The following RTTN variants were observed in gnomAD, a reference collection of about 807,000 sequenced individuals.
RTTN encodes the protein rotatin.
RTTN carries 182 observed loss-of-function variants against 269.2 expected under a neutral mutation model. The ratio of observed to expected loss-of-function variants is 0.68; its 90% CI spans 0.60 to 0.76. RTTN has a LOEUF of 0.76. Among genes scored for constraint, RTTN ranks in the 30% least tolerant of loss-of-function variants. The probability of loss-of-function intolerance (pLI) is 0.00; values close to 1 mark genes in which losing one functional copy is unlikely to be tolerated. For synonymous variants in RTTN, 1,006 were observed against 963.5 expected, an observed-to-expected ratio of 1.04 and a Z score of -0.82; for missense variants, 2,545 against 2,608.6, an observed-to-expected ratio of 0.98 and a Z score of 0.53.
intron 44 of RTTN, among the ~76,000 whole-genome samples, chr18:70,023,459 A>G (rs549326841): frequency 2.0e-5 from 3 of 152,286 alleles, no homozygotes; most frequent in East Asian, 3.9e-4. Context: ...ACTTAACAAG[A>G]CCAAACAGAA....
chr18:70,032,028 T>C (rs2057028331), intron 40 of RTTN, among the ~76,000 whole-genome samples: 1 of 152,148 alleles, frequency 6.6e-6, no homozygotes. Flanking sequence ...GGAAAGCTGC[T>C]TAGGGAAGCA....
chr18:70,037,138 C>G (rs574123844), intron 40 of RTTN, among the ~76,000 whole-genome samples: 7 of 152,328 alleles, frequency 4.6e-5, no homozygotes, highest in Admixed American at 3.9e-4. Flanking sequence ...TCTTGGCAAG[C>G]CTTGCCACCG....
At chr18:70,082,842 C>A (rs142590485) in intron 32 of RTTN, among the ~76,000 whole-genome samples, 71 of 152,152 alleles carry the variant, frequency 4.7e-4, no homozygotes, top group Non-Finnish European at 8.2e-4. Flanking sequence ...CAGGTGCATG[C>A]CACCATTCCA....
At chr18:70,041,525 G>A (rs2057340273) in intron 40 of RTTN, among the ~76,000 whole-genome samples, 1 of 152,080 alleles carries the variant, frequency 6.6e-6, no homozygotes, top group African/African-American at 2.4e-5. Context: ...AGTGCCCAAG[G>A]CTGAAGAAAT....
Position 70,205,111 on chromosome 18 carries a change from T to A in RTTN, c.219+17A>T. ...GTCACTCGTCTGATTATTTTCTTTA[T>A]TTCAAAATGACCCTACCTTAACCAA... On this transcript the variant is annotated intron_variant, in intron 2 of 48. Coordinates refer to ENST00000640769, the MANE Select transcript of RTTN (RefSeq NM_173630.4). The A allele has an allele frequency of 6.2e-7, 1 of 1,604,952 alleles. No individual in the cohort carries two copies. Among genetic ancestry groups the A allele is most frequent in the South Asian group, 1.1e-5 (1 of 89,882 alleles).
intron 23 of RTTN, among the ~76,000 whole-genome samples, chr18:70,133,045 A>G (rs2060035590): frequency 6.6e-6 from 1 of 152,162 alleles, no homozygotes; most frequent in South Asian, 2.1e-4. Context: ...CTATAAATGC[A>G]TGATGGGATG....
At chr18:70,036,818 G>A (rs914143599) in intron 40 of RTTN, among the ~76,000 whole-genome samples, 19 of 152,164 alleles carry the variant, frequency 1.2e-4, no homozygotes, top group African/African-American at 4.3e-4. Context: ...GCACCGTCAC[G>A]AGAACCAAAA....
At position 70,054,576 on chromosome 18, in the gene RTTN, T is replaced by C. The variant is rs79369237; in HGVS notation, c.5032-292A>G. Among the ~76,000 whole-genome samples the C allele has an allele frequency of 9.5e-4, 145 of 152,298 alleles. No individual in the cohort carries two copies. The East Asian group carries it at 0.023, about 24-fold the overall frequency. ...CCAGGTGTGGTAGCTAACACACCTG[T>C]AATGCCAGTCCTTTGAGAGGCCAAG... On this transcript the variant is annotated intron_variant, in intron 37 of 48. Coordinates refer to ENST00000640769, the MANE Select transcript of RTTN (RefSeq NM_173630.4).
At chr18:70,143,105 G>A (rs1189663813) in intron 18 of RTTN, among the ~76,000 whole-genome samples, 1 of 152,182 alleles carries the variant, frequency 6.6e-6, no homozygotes, top group East Asian at 1.9e-4. Context: ...TTTCTCCAAT[G>A]ATCAGTGATA....
At chr18:70,180,757 A>G (rs2061405786) in intron 10 of RTTN, among the ~76,000 whole-genome samples, 1 of 152,158 alleles carries the variant, frequency 6.6e-6, no homozygotes, top group Non-Finnish European at 1.5e-5. Context: ...ATGATAATTA[A>G]ATGACCTCAT....
intron 32 of RTTN, among the ~76,000 whole-genome samples, chr18:70,083,628 A>G (rs1469292884): frequency 6.6e-6 from 1 of 152,202 alleles, no homozygotes; most frequent in Non-Finnish European, 1.5e-5. Flanking sequence ...AAAAAAATAA[A>G]TTGTTTTAAA....
rs369247502 is a variant in RTTN, at chr18:70,150,600, T to G, written c.2055+8A>C. On this transcript the variant is annotated splice_region_variant and intron_variant, in intron 15 of 48. Coordinates refer to ENST00000640769, the MANE Select transcript of RTTN (RefSeq NM_173630.4). Reference sequence around the variant, plus strand: ...CTGTAATATTTTCACTCATGTTTAATGTCATACCTCACTTTCGGGCTCTTG... The same window carrying G: ...CTGTAATATTTTCACTCATGTTTAAGGTCATACCTCACTTTCGGGCTCTTG... 6.2e-7 allele frequency: 1 copy of G among 1,611,208 alleles called. No homozygotes were observed. The highest frequency in any genetic ancestry group is 8.5e-7 in the Non-Finnish European group (1 of 1,177,890).
intron 33 of RTTN, among the ~76,000 whole-genome samples, chr18:70,074,522 G>C (rs1481769908): frequency 6.6e-6 from 1 of 151,908 alleles, no homozygotes. Flanking sequence ...CTCTTAAATG[G>C]CTCAAAAAGA....
chr18:70,101,609 C>A (rs1215105459), intron 28 of RTTN, among the ~76,000 whole-genome samples: 5 of 151,960 alleles, frequency 3.3e-5, no homozygotes, highest in Non-Finnish European at 7.4e-5. Flanking sequence ...TATTTCTTGC[C>A]TTCTGCTAGC....
rs565731957 is a variant in RTTN at position 70,203,361 on chromosome 18, T to G, written c.397+725A>C. The stretch of plus-strand genomic sequence containing the variant: ...GGGATTACAGGCGCCCGCCACTATG[T>G]CCGGCTAATTTTTGTATTGTATTTT... On this transcript the variant is annotated intron_variant, in intron 3 of 48. Coordinates refer to ENST00000640769, the MANE Select transcript of RTTN (RefSeq NM_173630.4). Among the ~76,000 whole-genome samples, 34 of 152,202 alleles carry G rather than the reference T, an allele frequency of 2.2e-4. No homozygotes were observed. In the South Asian group the frequency reaches 7.1e-3, roughly 32 times the overall value.
At position 70,191,136 on chromosome 18, in the gene RTTN, G is replaced by T. The variant is rs531573020; in HGVS notation, c.1008-417C>A. On this transcript the variant is annotated intron_variant, in intron 8 of 48. Coordinates refer to ENST00000640769, the MANE Select transcript of RTTN (RefSeq NM_173630.4). ...CTGAGCCCAGGAGGTAGACGTTGCA[G>T]TGAGCTGAGATAGCGACACTGCACT... Among the ~76,000 whole-genome samples, 7 of 151,976 alleles carry T rather than the reference G, an allele frequency of 4.6e-5. No homozygotes were observed. The South Asian group carries it at 1.5e-3, about 32-fold the overall frequency.
chr18:70,010,777 C>CA (rs749692622), intron 46 of RTTN, among the ~76,000 whole-genome samples: 6 of 151,968 alleles, frequency 3.9e-5, no homozygotes, highest in African/African-American at 1.2e-4. Flanking sequence ...AAAAACCCTT[C>CA]AAAAAATCAA....
At chr18:70,173,491 C>CAAAAAAAAA (rs397974179) in intron 11 of RTTN, among the ~76,000 whole-genome samples, 16 of 48,400 alleles carry the variant, frequency 3.3e-4, no homozygotes, top group African/African-American at 5.7e-4. Flanking sequence ...GACTCCAACT[C>CAAAAAAAAA]AAAAAAAAAA....
At chr18:70,014,866 T>C (rs2056493180) in intron 46 of RTTN, among the ~76,000 whole-genome samples, 1 of 152,186 alleles carries the variant, frequency 6.6e-6, no homozygotes, top group South Asian at 2.1e-4. Flanking sequence ...AAGCCAAGCA[T>C]ACAACCTTGG....
Sources: allele counts gnomAD v4.1 joint callset (sites outside exome capture counted in the v4.1 genomes callset), GRCh38; gene constraint gnomAD v4.1.1; transcripts MANE v1.5; gene names NCBI Gene and HGNC (gene_info 2026-07-23, HGNC 2026-07-21).